Variants in AUTS2 observed in about 807,000 individuals in gnomAD.
The protein encoded by AUTS2 is autism susceptibility gene 2 protein.
In AUTS2, 17 loss-of-function variants were observed where a neutral mutation model predicts 112.4. The ratio of observed to expected loss-of-function variants is 0.15; its 90% CI spans 0.10 to 0.23. The LOEUF is 0.23. AUTS2 is among the 10% of genes least tolerant of loss of function. The pLI, the probability that AUTS2 is intolerant of heterozygous loss-of-function variation, is 1.00. For synonymous variants in AUTS2, 751 were observed against 702.7 expected, an observed-to-expected ratio of 1.07 and a Z score of -1.09; for missense variants, 1,510 against 1,701.6, an observed-to-expected ratio of 0.89 and a Z score of 1.98.
chr7:69,646,947 G>A (rs1443500321), intron 1 of AUTS2, among the ~76,000 whole-genome samples: 2 of 152,186 alleles, frequency 1.3e-5, no homozygotes, highest in East Asian at 3.9e-4. Flanking sequence ...AATTAGCCGC[G>A]CGTAGTGGCG....
At chr7:70,457,310 C>A (rs1200810976) in intron 5 of AUTS2, among the ~76,000 whole-genome samples, 1 of 152,216 alleles carries the variant, frequency 6.6e-6, no homozygotes, top group African/African-American at 2.4e-5. Context: ...TGAAGTCCTG[C>A]ATGCCACAGG....
intron 6 of AUTS2, among the ~76,000 whole-genome samples, chr7:70,719,070 C>A (rs1045751976): frequency 6.6e-4 from 101 of 152,160 alleles, no homozygotes; most frequent in African/African-American, 2.4e-3. Context: ...TTGTTCTGAT[C>A]ACTTCAATTA....
chr7:70,552,422 C>A (rs1801053208), intron 5 of AUTS2, among the ~76,000 whole-genome samples: 2 of 152,108 alleles, frequency 1.3e-5, no homozygotes, highest in African/African-American at 4.8e-5. Context: ...TATTAATGAA[C>A]CCAATCAGAG....
intron 4 of AUTS2, among the ~76,000 whole-genome samples, chr7:70,246,946 C>G (rs1267889767): frequency 1.3e-5 from 2 of 151,630 alleles, no homozygotes; most frequent in Non-Finnish European, 2.9e-5. Context: ...TTCCCAGGTA[C>G]TTGATTTTTT....
At chr7:69,647,543 A>G (rs1209384973) in intron 1 of AUTS2, among the ~76,000 whole-genome samples, 2 of 151,956 alleles carry the variant, frequency 1.3e-5, no homozygotes, top group South Asian at 2.1e-4. Flanking sequence ...TTTTCTAGAG[A>G]TGAGGTCTCA....
At chr7:70,410,637 G>A (rs1405627503) in intron 4 of AUTS2, among the ~76,000 whole-genome samples, 1 of 151,298 alleles carries the variant, frequency 6.6e-6, no homozygotes, top group East Asian at 1.9e-4. Context: ...CTCTCAGGCT[G>A]GTCTGAAACT....
At chr7:70,657,247 T>C (rs2129542368) in intron 5 of AUTS2, among the ~76,000 whole-genome samples, 1 of 152,272 alleles carries the variant, frequency 6.6e-6, no homozygotes, top group South Asian at 2.1e-4. Context: ...CTACTCGGTT[T>C]TGCATGCAAG....
At chr7:69,914,787 T>G (rs1473951881) in intron 2 of AUTS2, among the ~76,000 whole-genome samples, 1 of 152,098 alleles carries the variant, frequency 6.6e-6, no homozygotes, top group Admixed American at 6.5e-5. Context: ...TTTTTTACCA[T>G]GAGTACAAAC....
intron 4 of AUTS2, among the ~76,000 whole-genome samples, chr7:70,142,005 A>G (rs1428075567): frequency 2.6e-5 from 4 of 152,260 alleles, no homozygotes; most frequent in African/African-American, 4.8e-5. Context: ...TAATCAGGTG[A>G]GAAAAGATCA....
At chr7:70,511,547 CT>C (rs1280076568) in intron 5 of AUTS2, among the ~76,000 whole-genome samples, 1 of 122,278 alleles carries the variant, frequency 8.2e-6, no homozygotes. Context: ...TCATTTTAAA[CT>C]TTTTTTCATT....
intron 1 of AUTS2, among the ~76,000 whole-genome samples, chr7:69,838,626 A>G (rs1316513955): frequency 6.6e-6 from 1 of 152,184 alleles, no homozygotes; most frequent in African/African-American, 2.4e-5. Flanking sequence ...CCCAAATCCC[A>G]GTCTTTTGTT....
intron 6 of AUTS2, among the ~76,000 whole-genome samples, chr7:70,708,656 C>T (rs2129548824): frequency 6.6e-6 from 1 of 152,062 alleles, no homozygotes; most frequent in South Asian, 2.1e-4. Context: ...CCCGAAGGGT[C>T]AGCAGACCAA....
chr7:70,041,018 G>A (rs1403966851), intron 2 of AUTS2, among the ~76,000 whole-genome samples: 2 of 152,158 alleles, frequency 1.3e-5, no homozygotes, highest in Non-Finnish European at 2.9e-5. Flanking sequence ...AGTGATCCAT[G>A]TGTAAGTATA....
intron 5 of AUTS2, among the ~76,000 whole-genome samples, chr7:70,617,939 GATTGTC>G (rs1804465614): frequency 6.6e-6 from 1 of 152,160 alleles, no homozygotes; most frequent in African/African-American, 2.4e-5. Flanking sequence ...CAGTATTTCT[GATTGTC>G]TTTCTGCTTC....
intron 4 of AUTS2, among the ~76,000 whole-genome samples, chr7:70,228,088 G>A (rs557564667): frequency 1.3e-5 from 2 of 150,616 alleles, no homozygotes; most frequent in Admixed American, 6.6e-5. Flanking sequence ...CATCTGTTTC[G>A]GGGTTTGTAG....
chr7:70,424,625 C>G lies in AUTS2; in HGVS notation c.661-11127C>G, dbSNP rs115324646. Among the ~76,000 whole-genome samples the G allele has an allele frequency of 2.1e-3, 323 of 152,182 alleles. 2 individuals are homozygous for G. The highest frequency in any genetic ancestry group is 7.4e-3 in the African/African-American group (309 of 41,532). Reference sequence around the variant, plus strand: ...TGTTTTGGACAGGGTCTCTCTCTGTCACCCAGGCTAGAGCACAATGACATG... The same window carrying G: ...TGTTTTGGACAGGGTCTCTCTCTGTGACCCAGGCTAGAGCACAATGACATG... On this transcript the variant is annotated intron_variant, in intron 4 of 18. Transcript: ENST00000342771.
chr7:70,264,422 G>A (rs1158419679), intron 4 of AUTS2, among the ~76,000 whole-genome samples: 1 of 152,044 alleles, frequency 6.6e-6, no homozygotes, highest in Non-Finnish European at 1.5e-5. Context: ...TGGCCAGGAT[G>A]GTCTTGATCT....
rs141165876 is a variant in AUTS2, at chr7:69,846,454, G to A, written c.310-52832G>A. Among the ~76,000 whole-genome samples the A allele has an allele frequency of 2.1e-3, 322 of 152,214 alleles. 3 individuals are homozygous for A. The highest frequency in any genetic ancestry group is 7.6e-3 in the African/African-American group (315 of 41,534). ...TTTCTTTAATATATGCCTGGCATTG[G>A]GCCCAGAATCCATAATACGATATTC... On this transcript the variant is annotated intron_variant, in intron 1 of 18. Coordinates refer to ENST00000342771, the MANE Select transcript of AUTS2 (RefSeq NM_015570.4).
chr7:70,755,762 C>T (rs1009521335), intron 6 of AUTS2, among the ~76,000 whole-genome samples: 3 of 151,800 alleles, frequency 2.0e-5, no homozygotes, highest in Admixed American at 6.6e-5. Context: ...GTATTGTCCG[C>T]GAAAAGAGTT....
Sources: allele counts gnomAD v4.1 joint callset (sites outside exome capture counted in the v4.1 genomes callset), GRCh38; gene constraint gnomAD v4.1.1; transcripts MANE v1.5; gene names NCBI Gene and HGNC (gene_info 2026-07-23, HGNC 2026-07-21).